Variants in DIPK1A observed in about 807,000 individuals in gnomAD.
The protein encoded by DIPK1A is family with sequence similarity 69 member A.
In DIPK1A, 27 loss-of-function variants were observed where a neutral mutation model predicts 40.8. That is an observed-to-expected ratio of 0.66 (90% CI 0.49 to 0.91). The LOEUF (loss-of-function observed/expected upper bound fraction) is 0.91. Among genes scored for constraint, DIPK1A ranks in the 40% least tolerant of loss-of-function variants. DIPK1A has a pLI of 0.00. For synonymous variants in DIPK1A, 166 were observed against 171.3 expected (o/e 0.97, Z 0.24); for missense variants, 412 against 505.7 (o/e 0.81, Z 1.78).
intron 1 of DIPK1A, among the ~76,000 whole-genome samples, chr1:92,915,901 G>A (rs1257317672): frequency 1.3e-5 from 2 of 152,008 alleles, no homozygotes; most frequent in Admixed American, 1.3e-4. Flanking sequence ...AAAAAATAAG[G>A]TATACCATAC....
chr1:92,924,751 G>A (rs1006329767), intron 1 of DIPK1A, among the ~76,000 whole-genome samples: 6 of 152,154 alleles, frequency 3.9e-5, no homozygotes, highest in Admixed American at 2.6e-4. Context: ...ATCTTCTGTC[G>A]GCAGGAGCAC....
rs1012376544 is a variant in DIPK1A, at chr1:92,959,448, C to CTT, written c.54+1926_54+1927dup. 6.2e-3 allele frequency among the ~76,000 whole-genome samples: 710 copies of CTT among 115,436 alleles called. 23 individuals carry two copies. Among genetic ancestry groups the CTT allele is most frequent in the East Asian group, 0.031 (122 of 3,984 alleles). The allele number at this position is 115,436 out of a possible 152,430, so 75.7% of individuals were successfully genotyped here. ...GTATACAAATTTCCACAGTAAAACA[C>CTT]TTTTTTTTTTTTTTTTTTTTTGAGA... On this transcript the variant is annotated intron_variant, in intron 1 of 4. Coordinates refer to ENST00000370310, the MANE Select transcript of DIPK1A (RefSeq NM_001006605.5).
downstream of DIPK1A, chr1:92,837,362 T>C (rs77093817): frequency 1.2e-5 from 13 of 1,081,460 alleles, no homozygotes; most frequent in Non-Finnish European, 1.9e-5. Context: ...GATAATTGTT[T>C]CAAGACGGGA....
At chr1:92,868,544 C>T (rs1647674890) in intron 2 of DIPK1A, among the ~76,000 whole-genome samples, 1 of 152,174 alleles carries the variant, frequency 6.6e-6, no homozygotes, top group Non-Finnish European at 1.5e-5. Context: ...CCAATCACTC[C>T]AGTTAAGACA....
intron 1 of DIPK1A, among the ~76,000 whole-genome samples, chr1:92,945,155 G>A (rs1283133064): frequency 6.6e-6 from 1 of 151,796 alleles, no homozygotes; most frequent in Non-Finnish European, 1.5e-5. Context: ...GGAGGAGGGA[G>A]GTTTCTGGTA....
intron 1 of DIPK1A, among the ~76,000 whole-genome samples, chr1:92,880,785 G>A (rs762688511): frequency 3.3e-5 from 5 of 152,220 alleles, no homozygotes; most frequent in South Asian, 2.1e-4. Context: ...CAGGAGAATC[G>A]CTTGAACTCG....
At chr1:92,837,685 TTA>T (rs778959768), downstream of DIPK1A, 1 of 1,497,596 alleles carries the variant, frequency 6.7e-7, no homozygotes, top group South Asian at 1.1e-5. Flanking sequence ...GGAAATAGGT[TTA>T]TTACTTGTTT....
intron 2 of DIPK1A, among the ~76,000 whole-genome samples, chr1:92,854,093 C>T (rs1557454111): frequency 6.6e-6 from 1 of 152,096 alleles, no homozygotes; most frequent in Non-Finnish European, 1.5e-5. Context: ...CACTTTGTTG[C>T]CCAGGCTGGT....
chr1:92,915,232 T>C (rs1650006367), intron 1 of DIPK1A, among the ~76,000 whole-genome samples: 1 of 152,144 alleles, frequency 6.6e-6, no homozygotes, highest in African/African-American at 2.4e-5. Flanking sequence ...CAGCAATATC[T>C]GTAGATCTCT....
rs1322844379 is a variant in DIPK1A, at chr1:92,940,133, T to C, written c.54+21243A>G. ...TTTTCCATACATGGGGAGCTAGAAA[T>C]AGGAAATCTGAAATCATGCATTACC... On this transcript the variant is annotated intron_variant, in intron 1 of 4. Transcript: ENST00000370310. 2.0e-5 allele frequency among the ~76,000 whole-genome samples: 3 copies of C among 152,098 alleles called. No individual in the cohort carries two copies. In the East Asian group the frequency reaches 5.8e-4, roughly 29 times the overall value.
intron 1 of DIPK1A, among the ~76,000 whole-genome samples, chr1:92,955,548 ATT>A (rs1358887642): frequency 1.2e-4 from 18 of 151,942 alleles, no homozygotes; most frequent in African/African-American, 4.4e-4. Flanking sequence ...AACACAAAAA[ATT>A]AGCCAGGAGT....
intron 2 of DIPK1A, among the ~76,000 whole-genome samples, chr1:92,875,729 A>AG (rs1402730289): frequency 1.1e-4 from 16 of 151,704 alleles, no homozygotes; most frequent in African/African-American, 3.9e-4. Flanking sequence ...AAAAAAAAAA[A>AG]AGAGAGAAAG....
intron 1 of DIPK1A, among the ~76,000 whole-genome samples, chr1:92,915,968 G>C (rs1323627446): frequency 6.6e-6 from 1 of 152,100 alleles, no homozygotes; most frequent in Non-Finnish European, 1.5e-5. Context: ...GCTACAACAT[G>C]GATGAACCTT....
intron 1 of DIPK1A, among the ~76,000 whole-genome samples, chr1:92,882,822 ACT>A (rs1301900709): frequency 1.3e-5 from 2 of 152,224 alleles, no homozygotes; most frequent in Non-Finnish European, 2.9e-5. Flanking sequence ...CGCAGGAGAC[ACT>A]CTGTGTATCC....
At chr1:92,839,735 A>C (rs1040293599), downstream of DIPK1A, among the ~76,000 whole-genome samples, 7 of 152,248 alleles carry the variant, frequency 4.6e-5, no homozygotes, top group Non-Finnish European at 1.0e-4. Flanking sequence ...ACAGTATTTA[A>C]AATGAGAAGC....
rs1557445493 is a variant in DIPK1A at position 92,842,245 on chromosome 1, A to G, written c.*1138T>C. ...AAGTAAACAAAACTGGTGCTAATCCATGGCGTTGAAGGAAAGTTTTGAGAG... is the reference window on the plus strand; with the variant it reads ...AAGTAAACAAAACTGGTGCTAATCCGTGGCGTTGAAGGAAAGTTTTGAGAG... On this transcript the variant is annotated 3_prime_UTR_variant, in exon 5 of 5. Transcript: ENST00000370310. 2.0e-6 allele frequency: 2 copies of G among 990,094 alleles called. No individual in the cohort carries two copies. Among genetic ancestry groups the G allele is most frequent in the Non-Finnish European group, 2.4e-6 (2 of 833,146 alleles). 61.3% of individuals were successfully genotyped at this position (990,094 alleles called of 1,614,324 possible).
intron 1 of DIPK1A, among the ~76,000 whole-genome samples, chr1:92,890,190 A>ATTGATTAGTTC (rs949612771): frequency 8.5e-5 from 13 of 152,256 alleles, no homozygotes; most frequent in African/African-American, 3.1e-4. Flanking sequence ...TACTGAATTC[A>ATTGATTAGTTC]TTGATTAGTT....
chr1:92,876,240 G>A (rs906112546), intron 2 of DIPK1A, 56 bp downstream of exon 2: 5 of 1,120,070 alleles, frequency 4.5e-6, no homozygotes, highest in Non-Finnish European at 4.9e-6. Context: ...TATGTAAGCA[G>A]TAAATATAGT....
At chr1:92,895,886 A>T (rs1262333474) in intron 1 of DIPK1A, among the ~76,000 whole-genome samples, 1 of 152,150 alleles carries the variant, frequency 6.6e-6, no homozygotes, top group African/African-American at 2.4e-5. Context: ...CCAAATCATC[A>T]GTGAATTCCC....
Sources: allele counts gnomAD v4.1 joint callset (sites outside exome capture counted in the v4.1 genomes callset), GRCh38; gene constraint gnomAD v4.1.1; transcripts MANE v1.5; gene names NCBI Gene and HGNC (gene_info 2026-07-23, HGNC 2026-07-21).